Variants in TULP4 observed in about 807,000 individuals in gnomAD.
The protein encoded by TULP4 is tubby-related protein 4.
In TULP4, 16 loss-of-function variants were observed where a neutral mutation model predicts 129.0. The observed-to-expected ratio is 0.12, with a 90% confidence interval of 0.08 to 0.19. The LOEUF is 0.19. TULP4 is among the 10% of genes least tolerant of loss of function. TULP4 has a pLI of 1.00. For synonymous variants in TULP4, 998 were observed against 854.0 expected, an observed-to-expected ratio of 1.17 and a Z score of -2.94; for missense variants, 1,842 against 2,059.1, an observed-to-expected ratio of 0.89 and a Z score of 2.04.
rs977198359 is a variant in TULP4, at chr6:158,313,474, G to A, written c.-543G>A. On this transcript the variant is annotated 5_prime_UTR_variant, in exon 1 of 14. The change creates a new upstream start codon in the 5' untranslated region. Coordinates refer to ENST00000367097, the MANE Select transcript of TULP4 (RefSeq NM_020245.5). ...TCTAGTTCAGGAAACATGCTAGAGG[G>A]TGGCTTCAGAAGGAAGATGATCCTG... 2.5e-6 allele frequency: 1 copy of A among 400,198 alleles called. No individual in the cohort carries two copies. Among genetic ancestry groups the A allele is most frequent in the Non-Finnish European group, 4.4e-6 (1 of 227,228 alleles). The allele number at this position is 400,198 out of a possible 1,614,324, so 24.8% of individuals were successfully genotyped here.
intron 1 of TULP4, among the ~76,000 whole-genome samples, chr6:158,375,101 G>T (rs1472921460): frequency 6.6e-6 from 1 of 152,052 alleles, no homozygotes; most frequent in East Asian, 1.9e-4. Flanking sequence ...AAATTAGCCA[G>T]ACGTGGTGGT....
intron 7 of TULP4, 53 bp downstream of exon 7, chr6:158,480,028 C>T: frequency 7.1e-7 from 1 of 1,416,710 alleles, no homozygotes; most frequent in Non-Finnish European, 9.7e-7. Flanking sequence ...GCTGGCTCCC[C>T]ACAGAGCCAG....
At chr6:158,489,507 C>A in intron 8 of TULP4, 81 bp from the exon 9 acceptor site, 1 of 1,555,324 alleles carries the variant, frequency 6.4e-7, no homozygotes, top group South Asian at 1.2e-5. Context: ...GTCCGTCTGT[C>A]TTTTAGTTTA....
chr6:158,484,092 A>AT (rs1207836982), intron 8 of TULP4, among the ~76,000 whole-genome samples: 36 of 149,028 alleles, frequency 2.4e-4, no homozygotes, highest in Admixed American at 2.3e-3. Context: ...TAATTTTTTA[A>AT]TTTTTTTTTT....
intron 1 of TULP4, among the ~76,000 whole-genome samples, chr6:158,353,857 G>T (rs1240800128): frequency 6.6e-6 from 1 of 152,224 alleles, no homozygotes; most frequent in Non-Finnish European, 1.5e-5. Flanking sequence ...AATAGACTTA[G>T]ATTTTATTGA....
rs1780639780 is a variant in TULP4, at chr6:158,507,819, C to A, written c.*1125C>A. ...ATTAAAATTCAGTTGACTACAAATG[C>A]TTTCTATCAAATTAGAAATGTAACC... On this transcript the variant is annotated 3_prime_UTR_variant, in exon 14 of 14. Transcript: ENST00000367097. 1.3e-5 allele frequency: 2 copies of A among 152,144 alleles called. No homozygotes were observed. The highest frequency in any genetic ancestry group is 2.1e-4 in the South Asian group (1 of 4,826). The allele number at this position is 152,144 out of a possible 1,614,324, so 9.4% of individuals were successfully genotyped here. A position where few individuals can be genotyped will look rare whatever the true frequency, so the allele number is the denominator to read the frequency against.
chr6:158,303,363 C>T (rs533317186), intron 1 of TULP4, among the ~76,000 whole-genome samples: 6 of 152,106 alleles, frequency 3.9e-5, no homozygotes, highest in South Asian at 2.1e-4. Context: ...TCGGTAGGAC[C>T]GTGATGCCCG....
At chr6:158,337,992 C>T (rs1780086777) in intron 1 of TULP4, among the ~76,000 whole-genome samples, 1 of 152,146 alleles carries the variant, frequency 6.6e-6, no homozygotes, top group South Asian at 2.1e-4. Context: ...CAACCTGTCT[C>T]CACCCAACAG....
chr6:158,388,283 T>TA (rs1777495037), intron 1 of TULP4, among the ~76,000 whole-genome samples: 4 of 151,428 alleles, frequency 2.6e-5, no homozygotes, highest in Non-Finnish European at 1.5e-5. Flanking sequence ...AAATTGAACT[T>TA]ACATACATTG....
chr6:158,449,231 C>T (rs998315443), intron 4 of TULP4, 55 bp downstream of exon 4: 10 of 1,558,202 alleles, frequency 6.4e-6, no homozygotes, highest in South Asian at 4.9e-5. Context: ...GGAAGGGCAT[C>T]GGAGCAGAGT....
chr6:158,270,418 G>A (rs1240350488), intron 1 of TULP4, among the ~76,000 whole-genome samples: 1 of 152,082 alleles, frequency 6.6e-6, no homozygotes, highest in Non-Finnish European at 1.5e-5. Flanking sequence ...ATTGAAGTTG[G>A]TTTATTTTGC....
In TULP4 at chr6:158,508,887, T is replaced by G. The variant is rs1209223343; in HGVS notation, c.*2193T>G. 3 of 135,544 alleles carry G rather than the reference T, an allele frequency of 2.2e-5. No individual in the cohort carries two copies. The highest frequency in any genetic ancestry group is 2.1e-4 in the East Asian group (1 of 4,872). 8.4% of individuals were successfully genotyped at this position (135,544 alleles called of 1,614,324 possible). On this transcript the variant is annotated 3_prime_UTR_variant, in exon 14 of 14. Coordinates refer to ENST00000367097, the MANE Select transcript of TULP4 (RefSeq NM_020245.5). ...GAGGATATGATAGAAGGTTTTTTTT[T>G]TTTTTTTTTTTTTTTTTTGAGACGG...
chr6:158,396,092 C>G (rs1178491947), intron 1 of TULP4, among the ~76,000 whole-genome samples: 2 of 152,092 alleles, frequency 1.3e-5, no homozygotes, highest in Non-Finnish European at 2.9e-5. Flanking sequence ...GAAAATAGTT[C>G]CTGCTATTTT....
chr6:158,344,334 C>T (rs1395621310), intron 1 of TULP4, among the ~76,000 whole-genome samples: 2 of 152,230 alleles, frequency 1.3e-5, no homozygotes, highest in African/African-American at 4.8e-5. Context: ...ACTCTCTTCA[C>T]ACAGACGTGT....
chr6:158,359,859 C>T (rs970952111), intron 1 of TULP4, among the ~76,000 whole-genome samples: 2 of 152,176 alleles, frequency 1.3e-5, no homozygotes, highest in African/African-American at 2.4e-5. Context: ...GAATTTTAGA[C>T]GGCTTCTTTG....
At chr6:158,314,710 C>T (rs2128483637) in intron 1 of TULP4, among the ~76,000 whole-genome samples, 1 of 152,354 alleles carries the variant, frequency 6.6e-6, no homozygotes, top group African/African-American at 2.4e-5. Context: ...CTTTACCTTG[C>T]ACGGTTAACA....
chr6:158,263,217 T>C (rs12198948), intron 1 of TULP4, among the ~76,000 whole-genome samples: 50,021 of 152,110 alleles, frequency 0.33, 9,225 homozygotes, highest in Admixed American at 0.45. Context: ...TGTTGAACAG[T>C]AACCCCTGAA....
intron 1 of TULP4, among the ~76,000 whole-genome samples, chr6:158,314,830 A>C (rs926603651): frequency 2.0e-5 from 3 of 152,216 alleles, no homozygotes; most frequent in African/African-American, 7.2e-5. Context: ...TATAGGGTAT[A>C]TTATATTGAG....
rs1777941689 is a variant in TULP4 at position 158,242,434 on chromosome 6, C to G, written n.68+10131C>G. 3 of 1,091,252 alleles carry G rather than the reference C, an allele frequency of 2.7e-6. No homozygotes were observed. In the African/African-American group the frequency reaches 4.6e-5, roughly 17 times the overall value. 67.6% of individuals were successfully genotyped at this position (1,091,252 alleles called of 1,614,324 possible). On this transcript the variant is annotated intron_variant and non_coding_transcript_variant, in intron 1 of 1. Transcript: ENST00000620026. ...GAGTTTCGGACGAGATCTCTTTATG[C>G]CACTAAGCATTCATCATAGTGTTCC...
Sources: allele counts gnomAD v4.1 joint callset (sites outside exome capture counted in the v4.1 genomes callset), GRCh38; gene constraint gnomAD v4.1.1; transcripts MANE v1.5; gene names NCBI Gene and HGNC (gene_info 2026-07-23, HGNC 2026-07-21).